The following COLGALT2 variants were observed in gnomAD, a reference collection of about 807,000 sequenced individuals.
COLGALT2 encodes the protein procollagen galactosyltransferase 2.
In COLGALT2, 49 loss-of-function variants were observed where a neutral mutation model predicts 73.4. That is an observed-to-expected ratio of 0.67 (90% CI 0.53 to 0.85). The LOEUF is 0.85. Among genes scored for constraint, COLGALT2 ranks in the 40% least tolerant of loss-of-function variants. The pLI, the probability that COLGALT2 is intolerant of heterozygous loss-of-function variation, is 0.00. For missense variants in COLGALT2, 722 were observed against 790.2 expected, an observed-to-expected ratio of 0.91 and a Z score of 1.03; for synonymous variants, 295 against 307.6, an observed-to-expected ratio of 0.96 and a Z score of 0.43.
At chr1:183,983,483 T>C (rs1408440740) in intron 1 of COLGALT2, among the ~76,000 whole-genome samples, 1 of 152,224 alleles carries the variant, frequency 6.6e-6, no homozygotes, top group African/African-American at 2.4e-5. Context: ...ACACAGGCCC[T>C]GGGCTATTCA....
intron 1 of COLGALT2, among the ~76,000 whole-genome samples, chr1:183,983,731 A>T (rs1490104923): frequency 6.6e-6 from 1 of 152,194 alleles, no homozygotes; most frequent in East Asian, 1.9e-4. Context: ...CCTCAGGAGG[A>T]GCTGAGGCAC....
At chr1:183,944,169 C>G (rs1160740463) in intron 10 of COLGALT2, 27 bp downstream of exon 10, 2 of 1,599,332 alleles carry the variant, frequency 1.3e-6, no homozygotes. Flanking sequence ...TCTCAGAGCC[C>G]TCTCGTAAGA....
At chr1:183,944,130 T>G in intron 10 of COLGALT2, 66 bp downstream of exon 10, 2 of 1,512,650 alleles carry the variant, frequency 1.3e-6, no homozygotes, top group South Asian at 2.7e-5. Context: ...GAGGTGGGGC[T>G]CTCTGCGCAT....
In COLGALT2 at chr1:183,938,388, T is replaced by G; in HGVS notation, c.*373A>C. Reference sequence around the variant, plus strand: ...AGTTGGCCTGGCTGCCTTGACTACATATTTGCTGATGTGACAGCTCGGTGA... The same window carrying G: ...AGTTGGCCTGGCTGCCTTGACTACAGATTTGCTGATGTGACAGCTCGGTGA... On this transcript the variant is annotated 3_prime_UTR_variant, in exon 12 of 12. Coordinates refer to ENST00000361927, the MANE Select transcript of COLGALT2 (RefSeq NM_015101.4). 1 of 1,055,378 alleles carries G rather than the reference T, an allele frequency of 9.5e-7. No individual in the cohort carries two copies. The highest frequency in any genetic ancestry group is 1.1e-6 in the Non-Finnish European group (1 of 872,844). The allele number at this position is 1,055,378 out of a possible 1,614,324, so 65.4% of individuals were successfully genotyped here.
intron 1 of COLGALT2, among the ~76,000 whole-genome samples, chr1:184,020,465 A>C (rs990842262): frequency 1.3e-5 from 2 of 152,162 alleles, no homozygotes; most frequent in African/African-American, 4.8e-5. Context: ...TAAGTCCAAA[A>C]AGACTCAGCC....
chr1:183,991,236 C>A (rs958770980), intron 1 of COLGALT2, among the ~76,000 whole-genome samples: 1 of 152,154 alleles, frequency 6.6e-6, no homozygotes, highest in African/African-American at 2.4e-5. Flanking sequence ...TTGTATAAAT[C>A]AATGACACGA....
chr1:184,022,973 C>T (rs1228248719), intron 1 of COLGALT2, among the ~76,000 whole-genome samples: 5 of 152,112 alleles, frequency 3.3e-5, no homozygotes, highest in Non-Finnish European at 5.9e-5. Context: ...GCTGAATAGC[C>T]AAGACTGGAG....
At position 184,037,108 on chromosome 1, in the gene COLGALT2, T is replaced by C; in HGVS notation, c.250A>G (p.Arg84Gly). The C allele has an allele frequency of 6.3e-7, 1 of 1,583,278 alleles. No homozygotes were observed. The highest frequency in any genetic ancestry group is 1.1e-5 in the South Asian group (1 of 88,794). ...GTGCGCGCTCACCAGATGGCCATCC[T>C]GCTCTTGGGGTAGTCCAGCCGCTCC... ...CLERLDYPKS[R>G]MAIWAATDHN... is the part of the protein sequence containing the mutation. Residue 84 changes from arginine (R) to glycine (G), a missense_variant, in exon 1 of 12, where the codon AGG becomes GGG. Physicochemically the swap from Arg to Gly is moderately radical, Grantham distance 125. Coordinates refer to ENST00000361927, the MANE Select transcript of COLGALT2 (RefSeq NM_015101.4).
At chr1:183,935,378 C>T (rs995311590), downstream of COLGALT2, among the ~76,000 whole-genome samples, 5 of 152,206 alleles carry the variant, frequency 3.3e-5, no homozygotes, top group Non-Finnish European at 7.3e-5. Context: ...TGTTCACAGC[C>T]TGGTTTTTGA....
chr1:183,992,722 C>T (rs1671663187), intron 1 of COLGALT2, among the ~76,000 whole-genome samples: 1 of 152,138 alleles, frequency 6.6e-6, no homozygotes, highest in African/African-American at 2.4e-5. Context: ...AAAGCTTGCT[C>T]CAGATTTCAT....
intron 9 of COLGALT2, 28 bp downstream of exon 9, chr1:183,945,404 A>C (rs746413492): frequency 3.1e-6 from 5 of 1,610,506 alleles, no homozygotes; most frequent in Non-Finnish European, 4.2e-6. Context: ...TCATCATAAA[A>C]CTGCAATCTG....
At chr1:183,961,007 A>G (rs1210305637) in intron 6 of COLGALT2, among the ~76,000 whole-genome samples, 1 of 152,190 alleles carries the variant, frequency 6.6e-6, no homozygotes, top group East Asian at 1.9e-4. Flanking sequence ...AGGATACTTG[A>G]CTGATAGGAT....
intron 11 of COLGALT2, among the ~76,000 whole-genome samples, chr1:183,940,283 G>T (rs185441990): frequency 1.2e-3 from 178 of 152,302 alleles, no homozygotes; most frequent in African/African-American, 4.1e-3. Context: ...TGAGGTGTAT[G>T]AGGTTATGGA....
At chr1:183,998,567 T>C (rs994539064) in intron 1 of COLGALT2, among the ~76,000 whole-genome samples, 1 of 152,176 alleles carries the variant, frequency 6.6e-6, no homozygotes, top group Non-Finnish European at 1.5e-5. Flanking sequence ...CTTGGTCCTT[T>C]GTTCTTTCAA....
At position 183,936,861 on chromosome 1, in the gene COLGALT2, C is replaced by T; in HGVS notation, c.*1900G>A. The stretch of plus-strand genomic sequence containing the variant: ...TTGCTGGTCAGTGTAGAAGGGTACC[C>T]ACAGTGAGTCGGGAAGGAAGGCCGA... On this transcript the variant is annotated 3_prime_UTR_variant, in exon 12 of 12. Coordinates refer to ENST00000361927, the MANE Select transcript of COLGALT2 (RefSeq NM_015101.4). 1 of 1,231,718 alleles carries T rather than the reference C, an allele frequency of 8.1e-7. No homozygotes were observed. The highest frequency in any genetic ancestry group is 1.0e-6 in the Non-Finnish European group (1 of 988,022). 76.3% of individuals were successfully genotyped at this position (1,231,718 alleles called of 1,614,324 possible).
At chr1:183,972,695 C>CTT (rs34534605) in intron 4 of COLGALT2, among the ~76,000 whole-genome samples, 16 of 142,916 alleles carry the variant, frequency 1.1e-4, no homozygotes, top group Admixed American at 3.5e-4. Context: ...AATATTTGTA[C>CTT]TTTTTTTTTT....
intron 8 of COLGALT2, chr1:183,946,654 G>C (rs1462785529): frequency 6.6e-6 from 1 of 152,210 alleles, no homozygotes; most frequent in Non-Finnish European, 1.5e-5. Flanking sequence ...CAAGAGAGCT[G>C]GCAGAGCTAT....
chr1:183,993,044 A>T (rs1418617283), intron 1 of COLGALT2, among the ~76,000 whole-genome samples: 1 of 152,234 alleles, frequency 6.6e-6, no homozygotes, highest in Non-Finnish European at 1.5e-5. Flanking sequence ...TAAATGAATA[A>T]CTAGATGCAA....
intron 8 of COLGALT2, among the ~76,000 whole-genome samples, chr1:183,949,961 A>G (rs1670352210): frequency 2.0e-5 from 3 of 152,192 alleles, no homozygotes; most frequent in Admixed American, 1.3e-4. Flanking sequence ...CCTAAACTCT[A>G]CTGCACCCAA....
Sources: gnomAD v4.1 joint callset for allele counts (sites outside exome capture counted in the v4.1 genomes callset) on GRCh38, gnomAD v4.1.1 for gene constraint, MANE v1.5 for transcripts, NCBI Gene and HGNC (gene_info 2026-07-23, HGNC 2026-07-21) for gene names.